Variants in RASSF8 observed in about 807,000 individuals in gnomAD.
The protein encoded by RASSF8 is ras association domain-containing protein 8.
In RASSF8, 22 loss-of-function variants were observed where a neutral mutation model predicts 48.5. The observed-to-expected ratio is 0.45, with a 90% CI of 0.32 to 0.65. The LOEUF (loss-of-function observed/expected upper bound fraction) is 0.65. RASSF8 is among the 30% of genes least tolerant of loss of function. The pLI, the probability that RASSF8 is intolerant of heterozygous loss-of-function variation, is 0.03. For missense variants in RASSF8, 418 were observed against 489.2 expected (o/e 0.85, Z 1.37); for synonymous variants, 127 against 171.5 (o/e 0.74, Z 2.03).
intron 2 of RASSF8, among the ~76,000 whole-genome samples, chr12:26,006,749 G>C (rs922123457): frequency 1.3e-5 from 2 of 152,172 alleles, no homozygotes; most frequent in Non-Finnish European, 2.9e-5. Context: ...CGTGCTCAGA[G>C]AACAAGGGCC....
chr12:26,068,628 G>C lies in RASSF8; in HGVS notation c.1139-69G>C, dbSNP rs117184856. Reference sequence around the variant, plus strand: ...TCCCTTTTGGGGTAGGAAGCAGTCTGATTTTTTATATTGCTAAGTACTCCA... The same window carrying C: ...TCCCTTTTGGGGTAGGAAGCAGTCTCATTTTTTATATTGCTAAGTACTCCA... On this transcript the variant is annotated intron_variant, in intron 5 of 5. Transcript: ENST00000689635. 205 of 1,269,248 alleles carry C rather than the reference G, an allele frequency of 1.6e-4. 1 individual carries two copies. The East Asian group carries it at 5.0e-3, about 31-fold the overall frequency. 78.6% of individuals were successfully genotyped at this position (1,269,248 alleles called of 1,614,324 possible).
At chr12:25,997,256 C>A (rs981349583) in intron 2 of RASSF8, among the ~76,000 whole-genome samples, 4 of 152,204 alleles carry the variant, frequency 2.6e-5, no homozygotes, top group African/African-American at 9.6e-5. Context: ...CTTCCCTCAT[C>A]CCCCCTTTCT....
rs376450813 is a variant in RASSF8, at chr12:25,961,997, C to G, written c.-203+2849C>G. Among the ~76,000 whole-genome samples the G allele has an allele frequency of 5.9e-5, 9 of 152,072 alleles. No individual in the cohort carries two copies. In the East Asian group the frequency reaches 1.7e-3, roughly 29 times the overall value. ...TACTGTATTATCTTTTTCCTTGGTG[C>G]GGTGCCTCCTGCACACACTCTGCAC... On this transcript the variant is annotated intron_variant, in intron 1 of 5. Coordinates refer to ENST00000689635, the MANE Select transcript of RASSF8 (RefSeq NM_001394098.1).
At position 26,058,667 on chromosome 12, in the gene RASSF8, A is replaced by G. The variant is rs548334436; in HGVS notation, c.103+3221A>G. ...AATGACTTACTATGAAAATATGCAC[A>G]CAAGTTGTCAACCTGCAAATATATA... On this transcript the variant is annotated intron_variant, in intron 3 of 5. Coordinates refer to ENST00000689635, the MANE Select transcript of RASSF8 (RefSeq NM_001394098.1). Among the ~76,000 whole-genome samples the G allele has an allele frequency of 1.6e-4, 25 of 152,362 alleles. No homozygotes were observed. The South Asian group carries it at 5.2e-3, about 32-fold the overall frequency.
chr12:25,974,256 A>G (rs765344199), intron 1 of RASSF8, among the ~76,000 whole-genome samples: 9 of 152,118 alleles, frequency 5.9e-5, no homozygotes, highest in Non-Finnish European at 1.2e-4. Context: ...GAGGAGGTGA[A>G]AGAAAGAAGA....
chr12:26,071,324 A>G lies in RASSF8; in HGVS notation c.*2506A>G. 1 of 973,824 alleles carries G rather than the reference A, an allele frequency of 1.0e-6. No homozygotes were observed. Among genetic ancestry groups the G allele is most frequent in the Non-Finnish European group, 1.2e-6 (1 of 819,400 alleles). 60.3% of individuals were successfully genotyped at this position (973,824 alleles called of 1,614,324 possible). On this transcript the variant is annotated 3_prime_UTR_variant, in exon 6 of 6. Transcript: ENST00000689635. ...TCGGAGGGGTAGTGGGCAATGGTAT[A>G]CAAAAATACCAAATATAAAATTTTC...
chr12:26,036,212 G>T (rs1943147575), intron 2 of RASSF8, among the ~76,000 whole-genome samples: 1 of 151,740 alleles, frequency 6.6e-6, no homozygotes, highest in African/African-American at 2.4e-5. Flanking sequence ...ATCAGCAATG[G>T]CAGAGACGCT....
chr12:25,996,699 C>G (rs1942143407), intron 2 of RASSF8, among the ~76,000 whole-genome samples: 1 of 152,154 alleles, frequency 6.6e-6, no homozygotes, highest in Non-Finnish European at 1.5e-5. Flanking sequence ...CTTTAGCTTA[C>G]TGCTTTGTTT....
intron 3 of RASSF8, among the ~76,000 whole-genome samples, chr12:26,058,523 T>C (rs921771149): frequency 9.5e-6 from 1 of 105,688 alleles, no homozygotes; most frequent in African/African-American, 3.4e-5. Flanking sequence ...ACTACACACA[T>C]GCGCACGCGC....
At chr12:26,013,403 C>T (rs534868089) in intron 2 of RASSF8, among the ~76,000 whole-genome samples, 8 of 152,284 alleles carry the variant, frequency 5.3e-5, no homozygotes, top group South Asian at 4.1e-4. Context: ...AATGAGCCTC[C>T]ATGAGCTTAA....
At chr12:26,048,234 A>G (rs1426318104) in intron 2 of RASSF8, among the ~76,000 whole-genome samples, 2 of 152,186 alleles carry the variant, frequency 1.3e-5, no homozygotes, top group Non-Finnish European at 2.9e-5. Context: ...GAAATGCATA[A>G]CCTTTTACAT....
At chr12:25,990,941 G>C in intron 1 of RASSF8, among the ~76,000 whole-genome samples, 1 of 152,178 alleles carries the variant, frequency 6.6e-6, no homozygotes, top group Non-Finnish European at 1.5e-5. Context: ...AACATTTTGG[G>C]GATCTTGGAG....
At chr12:26,042,955 A>G (rs1283064817) in intron 2 of RASSF8, among the ~76,000 whole-genome samples, 1 of 152,162 alleles carries the variant, frequency 6.6e-6, no homozygotes, top group Non-Finnish European at 1.5e-5. Flanking sequence ...TGCCTCTGGG[A>G]TCACACTGAC....
intron 2 of RASSF8, among the ~76,000 whole-genome samples, chr12:26,000,689 CT>C (rs966927105): frequency 6.6e-6 from 1 of 152,164 alleles, no homozygotes; most frequent in African/African-American, 2.4e-5. Flanking sequence ...GGCCACAAAC[CT>C]TTACAGCATG....
exon 6 of RASSF8, chr12:26,079,820 T>G (rs1944102440): frequency 6.6e-6 from 1 of 152,034 alleles, no homozygotes; most frequent in Non-Finnish European, 1.5e-5. Flanking sequence ...GGTGGGAATG[T>G]AAATCAGTAC....
At chr12:26,002,305 T>C (rs1210628320) in intron 2 of RASSF8, among the ~76,000 whole-genome samples, 1 of 151,560 alleles carries the variant, frequency 6.6e-6, no homozygotes, top group East Asian at 2.0e-4. Context: ...TGGTAGCAGG[T>C]GCCTATAATC....
intron 1 of RASSF8, among the ~76,000 whole-genome samples, chr12:25,966,008 A>G (rs1026668623): frequency 6.6e-6 from 1 of 152,244 alleles, no homozygotes; most frequent in Non-Finnish European, 1.5e-5. Flanking sequence ...GCATACAAGT[A>G]TTGTATAGAC....
At chr12:26,061,812 C>T (rs190879374) in intron 3 of RASSF8, among the ~76,000 whole-genome samples, 23 of 152,144 alleles carry the variant, frequency 1.5e-4, no homozygotes, top group African/African-American at 5.5e-4. Flanking sequence ...AAAATCAAAT[C>T]TATTAATTCA....
intron 1 of RASSF8, among the ~76,000 whole-genome samples, chr12:25,961,228 A>G (rs1941226549): frequency 6.6e-6 from 1 of 152,112 alleles, no homozygotes. Flanking sequence ...TTGCCGTGGG[A>G]TATTGTTGTC....
Sources: allele counts gnomAD v4.1 joint callset (sites outside exome capture counted in the v4.1 genomes callset), GRCh38; gene constraint gnomAD v4.1.1; transcripts MANE v1.5; gene names NCBI Gene and HGNC (gene_info 2026-07-23, HGNC 2026-07-21).